Variants in VPS54 observed in about 807,000 individuals in gnomAD.
VPS54 encodes the protein vacuolar protein sorting-associated protein 54.
Under a neutral mutation model 121.5 loss-of-function variants are expected in VPS54, and 45 were observed. That is an observed-to-expected ratio of 0.37 (90% confidence interval 0.29 to 0.47). VPS54 has a LOEUF of 0.47. Among genes scored for constraint, VPS54 ranks in the 20% least tolerant of loss-of-function variants. The probability of loss-of-function intolerance (pLI) is 0.99; values close to 1 mark genes in which losing one functional copy is unlikely to be tolerated. For synonymous variants in VPS54, 371 were observed against 385.8 expected, an observed-to-expected ratio of 0.96 and a Z score of 0.45; for missense variants, 1,090 against 1,131.4, an observed-to-expected ratio of 0.96 and a Z score of 0.52.
chr2:63,981,531 G>T, intron 3 of VPS54, 115 bp downstream of exon 3: 1 of 1,201,484 alleles, frequency 8.3e-7, no homozygotes. Context: ...TTGTATGAAC[G>T]AAAAGAATAC....
intron 2 of VPS54, among the ~76,000 whole-genome samples, chr2:63,982,862 ACTTCAG>A (rs751780122): frequency 7.9e-5 from 12 of 152,220 alleles, no homozygotes; most frequent in Non-Finnish European, 1.6e-4. Context: ...GTCTTGTTCA[ACTTCAG>A]CTGGGAATGC....
At chr2:64,015,774 A>G (rs965477640) in intron 1 of VPS54, among the ~76,000 whole-genome samples, 3 of 152,220 alleles carry the variant, frequency 2.0e-5, no homozygotes, top group African/African-American at 7.2e-5. Flanking sequence ...AAAAAATAAG[A>G]CATTAATAGT....
intron 17 of VPS54, 80 bp from the exon 18 acceptor site, chr2:63,913,390 T>C: frequency 1.0e-6 from 1 of 973,560 alleles, no homozygotes; most frequent in South Asian, 1.7e-5. Flanking sequence ...ATTATAAAAA[T>C]ACATTCCCCT....
chr2:63,940,717 T>C (rs1674683356), intron 11 of VPS54, among the ~76,000 whole-genome samples: 1 of 150,248 alleles, frequency 6.7e-6, no homozygotes, highest in African/African-American at 2.4e-5. Context: ...ATTGAAGACT[T>C]ACTGTACTTC....
At chr2:64,015,805 T>C (rs535569406) in intron 1 of VPS54, among the ~76,000 whole-genome samples, 15 of 152,336 alleles carry the variant, frequency 9.8e-5, no homozygotes, top group Non-Finnish European at 1.8e-4. Context: ...ATCTAAATAA[T>C]ACATTTGCTA....
intron 1 of VPS54, among the ~76,000 whole-genome samples, chr2:64,003,097 A>G (rs567935707): frequency 6.6e-6 from 1 of 152,326 alleles, no homozygotes; most frequent in Non-Finnish European, 1.5e-5. Context: ...CTAAAGAACA[A>G]AAATGATGAG....
At chr2:63,999,461 G>C (rs1032053378) in intron 1 of VPS54, among the ~76,000 whole-genome samples, 2 of 152,146 alleles carry the variant, frequency 1.3e-5, no homozygotes, top group African/African-American at 4.8e-5. Flanking sequence ...TCTACTGCCA[G>C]CCATATTGGA....
chr2:63,897,233 A>C (rs1672481986), intron 22 of VPS54, among the ~76,000 whole-genome samples: 2 of 152,198 alleles, frequency 1.3e-5, no homozygotes, highest in South Asian at 4.1e-4. Context: ...GCTATTGGGT[A>C]ACTAAGGAAG....
rs62847061 is a variant in VPS54, at chr2:63,915,178, A to G, written c.2229-891T>C. Reference sequence around the variant, plus strand: ...AAAAAAAAAAAAAAAAAAAAAAAAAAGTTTTCCGAAGATGATAAAGTTATC... The same window carrying G: ...AAAAAAAAAAAAAAAAAAAAAAAAAGGTTTTCCGAAGATGATAAAGTTATC... On this transcript the variant is annotated intron_variant, in intron 16 of 22. Transcript: ENST00000272322. Among the ~76,000 whole-genome samples the G allele has an allele frequency of 5.0e-3, 741 of 148,624 alleles. 16 individuals are homozygous for G. Among genetic ancestry groups the G allele is most frequent in the African/African-American group, 0.018 (707 of 40,118 alleles).
intron 20 of VPS54, among the ~76,000 whole-genome samples, chr2:63,910,232 C>G (rs1195174081): frequency 6.6e-6 from 1 of 152,090 alleles, no homozygotes; most frequent in Admixed American, 6.6e-5. Context: ...CAAAGAGAGA[C>G]TTGTTAACAC....
chr2:63,963,739 A>G (rs1675868588), intron 6 of VPS54, among the ~76,000 whole-genome samples: 1 of 152,118 alleles, frequency 6.6e-6, no homozygotes, highest in Non-Finnish European at 1.5e-5. Flanking sequence ...TTTATTCACT[A>G]AAAAAGCAAA....
At chr2:63,932,079 AT>A (rs1159962687) in intron 12 of VPS54, among the ~76,000 whole-genome samples, 4 of 152,224 alleles carry the variant, frequency 2.6e-5, no homozygotes, top group Admixed American at 2.6e-4. Flanking sequence ...TAGTTCAACC[AT>A]TGTGGAAGAC....
At chr2:63,947,361 T>A (rs1245395710) in intron 9 of VPS54, 22 bp downstream of exon 9, 1 of 1,519,080 alleles carries the variant, frequency 6.6e-7, no homozygotes, top group Admixed American at 2.0e-5. Context: ...CCAAAATATG[T>A]CAAATAAAAA....
chr2:63,959,912 T>A (rs1640585989), intron 7 of VPS54, among the ~76,000 whole-genome samples: 1 of 151,858 alleles, frequency 6.6e-6, no homozygotes, highest in African/African-American at 2.4e-5. Flanking sequence ...TCCCAGCTAC[T>A]CGGGAGCTGA....
chr2:63,988,356 G>A (rs1032946657), intron 1 of VPS54, among the ~76,000 whole-genome samples: 14 of 152,084 alleles, frequency 9.2e-5, no homozygotes, highest in African/African-American at 3.4e-4. Flanking sequence ...ATCCCACTTG[G>A]TCATGATGAA....
chr2:63,993,084 CTG>C (rs1343632617), intron 1 of VPS54, among the ~76,000 whole-genome samples: 1 of 152,146 alleles, frequency 6.6e-6, no homozygotes, highest in Non-Finnish European at 1.5e-5. Flanking sequence ...TTTTGAGCTG[CTG>C]TGTTAGAGGC....
intron 11 of VPS54, among the ~76,000 whole-genome samples, chr2:63,934,779 C>T (rs1451560623): frequency 6.6e-6 from 1 of 152,164 alleles, no homozygotes. Flanking sequence ...CACTGTAATC[C>T]TAATGCCTAG....
intron 7 of VPS54, among the ~76,000 whole-genome samples, chr2:63,957,090 A>AT (rs1471245237): frequency 6.6e-6 from 1 of 152,134 alleles, no homozygotes; most frequent in African/African-American, 2.4e-5. Flanking sequence ...TGTTTCAATG[A>AT]TTATCATTTT....
chr2:63,924,888 T>C (rs1198981417), intron 12 of VPS54, among the ~76,000 whole-genome samples: 1 of 152,144 alleles, frequency 6.6e-6, no homozygotes, highest in Non-Finnish European at 1.5e-5. Flanking sequence ...ATCTTAACCC[T>C]CATACTAAAC....
Sources: gnomAD v4.1 joint callset for allele counts (sites outside exome capture counted in the v4.1 genomes callset) on GRCh38, gnomAD v4.1.1 for gene constraint, MANE v1.5 for transcripts, NCBI Gene and HGNC (gene_info 2026-07-23, HGNC 2026-07-21) for gene names.